Variants in MTBP observed in about 807,000 individuals in gnomAD.
MTBP encodes the protein mdm2-binding protein.
Under a neutral mutation model 117.0 loss-of-function variants are expected in MTBP, and 101 were observed. The ratio of observed to expected loss-of-function variants is 0.86; its 90% CI spans 0.73 to 1.02. The LOEUF is 1.02. Ranked by LOEUF, MTBP falls within the 50% of genes least tolerant of loss-of-function variation. The probability of loss-of-function intolerance (pLI) is 0.00; values close to 1 mark genes in which losing one functional copy is unlikely to be tolerated. For missense variants in MTBP, 970 were observed against 1,030.9 expected, an observed-to-expected ratio of 0.94 and a Z score of 0.81; for synonymous variants, 350 against 351.5, an observed-to-expected ratio of 1.00 and a Z score of 0.05.
chr8:120,497,479 G>A lies in MTBP; in HGVS notation c.1534G>A (p.Asp512Asn), dbSNP rs989450054. ...LLVLTRKHFL[D>N]YFDAVIPKMI... is the part of the protein sequence containing the mutation. ...AGTACTCACAAGGAAACACTTTTTA[G>A]ATTATTTTGATGCTGTGATTCCTAA... Residue 512 changes from aspartate (D) to asparagine (N), a missense_variant, in exon 14 of 22, where the codon GAT (aspartate) becomes AAT (asparagine). By Grantham distance (23) the Asp-to-Asn change is conservative (BLOSUM62 1). Transcript: ENST00000305949. 4 of 1,597,318 alleles carry A rather than the reference G, an allele frequency of 2.5e-6. No homozygotes were observed. The African/African-American group carries it at 4.0e-5, about 16-fold the overall frequency.
chr8:120,447,970 A>C (rs916937732), intron 2 of MTBP, among the ~76,000 whole-genome samples: 5 of 151,576 alleles, frequency 3.3e-5, no homozygotes, highest in Non-Finnish European at 7.4e-5. Context: ...TTTGTTGCTC[A>C]GGCTGGAGTC....
At chr8:120,450,891 A>G in intron 2 of MTBP, 112 bp from the exon 3 acceptor site, 1 of 688,658 alleles carries the variant, frequency 1.5e-6, no homozygotes, top group Non-Finnish European at 2.4e-6. Context: ...TGTATGTTGG[A>G]TAATTATGTA....
At position 120,488,218 on chromosome 8, in the gene MTBP, G is replaced by C. The variant is rs1814259793; in HGVS notation, c.1225G>C (p.Gly409Arg). Residue 409 changes from glycine (G) to arginine (R), a missense_variant, in exon 12 of 22, where the codon GGC becomes CGC. By Grantham distance (125) the Gly-to-Arg change is moderately radical (BLOSUM62 -2). Transcript: ENST00000305949. Reference sequence around the variant, plus strand: ...CTATTATCTCTTGTTACAAGGTAATGGCAATAGAAGATGTAAAGCCACATT... The same window carrying C: ...CTATTATCTCTTGTTACAAGGTAATCGCAATAGAAGATGTAAAGCCACATT... ...SSYYLLLQGN[G>R]NRRCKATLIH... is the part of the protein sequence containing the mutation. 6.3e-7 allele frequency: 1 copy of C among 1,596,348 alleles called. No homozygotes were observed. Among genetic ancestry groups the C allele is most frequent in the African/African-American group, 1.4e-5 (1 of 73,856 alleles).
chr8:120,488,441 G>A (rs1423761936), intron 12 of MTBP, 109 bp downstream of exon 12: 22 of 781,880 alleles, frequency 2.8e-5, no homozygotes, highest in Middle Eastern at 3.8e-4. Context: ...ATTTATTTTC[G>A]CCAAACTCCA....
intron 13 of MTBP, among the ~76,000 whole-genome samples, chr8:120,493,773 G>A (rs1256177761): frequency 6.6e-6 from 1 of 152,068 alleles, no homozygotes; most frequent in Admixed American, 6.6e-5. Context: ...TTACAGGAGT[G>A]AGCCAACACA....
intron 8 of MTBP, among the ~76,000 whole-genome samples, chr8:120,460,890 C>A (rs1813568807): frequency 6.6e-6 from 1 of 152,068 alleles, no homozygotes; most frequent in African/African-American, 2.4e-5. Flanking sequence ...GAACGCTTGT[C>A]CTCTGTTGCT....
intron 10 of MTBP, among the ~76,000 whole-genome samples, chr8:120,469,153 C>G (rs919318188): frequency 6.6e-6 from 1 of 152,112 alleles, no homozygotes; most frequent in Non-Finnish European, 1.5e-5. Context: ...TCAAGCAATT[C>G]TCCTGCCTCA....
Position 120,480,573 on chromosome 8 carries a change from G to A in MTBP, c.1166-7586G>A, listed in dbSNP as rs1814058135. On this transcript the variant is annotated intron_variant, in intron 11 of 21. Coordinates refer to ENST00000305949, the MANE Select transcript of MTBP (RefSeq NM_022045.5). ...AAGCCACAGTTATCAAGACATTGTG[G>A]TATTGGGCTAAGAATACATAGATCC... 4.6e-5 allele frequency among the ~76,000 whole-genome samples: 7 copies of A among 152,306 alleles called. No homozygotes were observed. In the South Asian group the frequency reaches 1.4e-3, roughly 32 times the overall value.
chr8:120,499,828 CAT>C (rs1319812578), intron 14 of MTBP, among the ~76,000 whole-genome samples: 2 of 152,174 alleles, frequency 1.3e-5, no homozygotes, highest in Non-Finnish European at 2.9e-5. Context: ...TATCTGAACT[CAT>C]AATACAATAA....
rs1326628963 is a variant in MTBP at position 120,502,623 on chromosome 8, C to A, written c.1727+14C>A. 6.7e-7 allele frequency: 1 copy of A among 1,485,294 alleles called. No individual in the cohort carries two copies. Among genetic ancestry groups the A allele is most frequent in the Non-Finnish European group, 9.3e-7 (1 of 1,075,298 alleles). 92.0% of individuals were successfully genotyped at this position (1,485,294 alleles called of 1,614,324 possible). On this transcript the variant is annotated intron_variant, in intron 15 of 21. Coordinates refer to ENST00000305949, the MANE Select transcript of MTBP (RefSeq NM_022045.5). ...ACAAAAAATGAGGTAATATTTGAAT[C>A]TGTAGTAAAGCATGTGATAGCTCAG...
rs945889900 is a variant in MTBP at position 120,456,613 on chromosome 8, A to G, written c.690A>G (p.Arg230=). 1.2e-6 allele frequency: 2 copies of G among 1,602,976 alleles called. No homozygotes were observed. The highest frequency in any genetic ancestry group is 1.7e-6 in the Non-Finnish European group (2 of 1,172,990). ...ATGTTGTATCTTTAGAAGATCTCAG[A>G]AATGTTATTGACTCAAAGGAATTAT... ...SANVVSLEDL[R]NVIDSKELWR... The change falls in exon 7 of 22, where the codon AGA becomes AGG. Residue 230 remains arginine, a synonymous_variant. Transcript: ENST00000305949.
At chr8:120,456,905 AT>A (rs1027536620) in intron 7 of MTBP, among the ~76,000 whole-genome samples, 4 of 152,104 alleles carry the variant, frequency 2.6e-5, no homozygotes, top group Non-Finnish European at 5.9e-5. Context: ...CTGAATTTTT[AT>A]TTGATTTTAA....
At chr8:120,522,798 T>C in intron 21 of MTBP, 79 bp downstream of exon 21, 4 of 1,078,304 alleles carry the variant, frequency 3.7e-6, no homozygotes, top group Non-Finnish European at 5.4e-6. Context: ...CCATTATATA[T>C]GCAGCAGTAA....
At chr8:120,474,054 T>G (rs1186752836) in intron 11 of MTBP, 4 of 151,974 alleles carry the variant, frequency 2.6e-5, no homozygotes, top group African/African-American at 9.6e-5. Flanking sequence ...GGCGTGGGGG[T>G]TTTTTTGGCC....
chr8:120,478,390 A>G (rs1271127936), intron 11 of MTBP, among the ~76,000 whole-genome samples: 1 of 152,084 alleles, frequency 6.6e-6, no homozygotes, highest in East Asian at 1.9e-4. Context: ...CCCAGAACTT[A>G]AAGTATAATA....
chr8:120,509,796 GGT>G lies in MTBP; in HGVS notation c.1884-134_1884-133del, dbSNP rs1436950761. On this transcript the variant is annotated intron_variant, in intron 16 of 21. Coordinates refer to ENST00000305949, the MANE Select transcript of MTBP (RefSeq NM_022045.5). Reference sequence around the variant, plus strand: ...GCTTCATTTCCTTATTATACTTTCTGGTGTGCCTTAACCTTTGTCCCATATAA... The same window carrying G: ...GCTTCATTTCCTTATTATACTTTCTGGTGCCTTAACCTTTGTCCCATATAA... 2.9e-5 allele frequency: 16 copies of G among 546,428 alleles called. No homozygotes were observed. The East Asian group carries it at 4.5e-4, about 16-fold the overall frequency. 33.8% of individuals were successfully genotyped at this position (546,428 alleles called of 1,614,324 possible). A position where few individuals can be genotyped will look rare whatever the true frequency, so the allele number is the denominator to read the frequency against.
chr8:120,484,623 A>G (rs906631388), intron 11 of MTBP, among the ~76,000 whole-genome samples: 2 of 152,188 alleles, frequency 1.3e-5, no homozygotes, highest in African/African-American at 4.8e-5. Flanking sequence ...CATTCCTAAG[A>G]TAATTTTTAA....
intron 11 of MTBP, among the ~76,000 whole-genome samples, chr8:120,479,853 C>A (rs1419188589): frequency 1.3e-5 from 2 of 152,120 alleles, no homozygotes; most frequent in Non-Finnish European, 2.9e-5. Context: ...CTAAGAATAT[C>A]TGAAATGCTT....
intron 19 of MTBP, 42 bp from the exon 20 acceptor site, chr8:120,518,662 C>T: frequency 7.3e-7 from 1 of 1,373,084 alleles, no homozygotes; most frequent in Admixed American, 2.0e-5. Flanking sequence ...AGGTTTGTGC[C>T]TTTTCCAAGA....
Sources: allele counts gnomAD v4.1 joint callset (sites outside exome capture counted in the v4.1 genomes callset), GRCh38; gene constraint gnomAD v4.1.1; transcripts MANE v1.5; gene names NCBI Gene and HGNC (gene_info 2026-07-23, HGNC 2026-07-21).